LAD1: variants seen among roughly 807,000 people sequenced by gnomAD.
LAD1 encodes ladinin-1.
LAD1 carries 53 observed loss-of-function variants against 54.2 expected under a neutral mutation model. The observed-to-expected ratio is 0.98, with a 90% CI of 0.78 to 1.23. LAD1 has a LOEUF of 1.23. Among genes scored for constraint, LAD1 ranks in the 50% most tolerant of loss-of-function variants. The pLI is 0.00. For missense variants in LAD1, 637 were observed against 653.3 expected (o/e 0.98, Z 0.27); for synonymous variants, 231 against 257.7 (o/e 0.90, Z 0.99).
At position 201,386,687 on chromosome 1, in the gene LAD1, T is replaced by A. The variant is rs565667950; in HGVS notation, c.674A>T (p.Asn225Ile). The A allele has an allele frequency of 1.8e-5, 29 of 1,614,196 alleles. No individual in the cohort carries two copies. In the African/African-American group the frequency reaches 2.9e-4, roughly 16 times the overall value. Residue 225 changes from asparagine to isoleucine, a missense_variant, in exon 3 of 10, where the codon AAC (asparagine) becomes ATC (isoleucine). Asn to Ile is a moderately radical substitution (Grantham distance 149). Coordinates refer to ENST00000391967, the MANE Select transcript of LAD1 (RefSeq NM_005558.4). Reference sequence around the variant, plus strand: ...TAGAACAGACTTCTTCTCTGAGCTGTTTCTTTTCTCTGACACTGCTATCTT... The same window carrying A: ...TAGAACAGACTTCTTCTCTGAGCTGATTCTTTTCTCTGACACTGCTATCTT... ...SEKIAVSEKR[N>I]SSEKKSVLEK...
chr1:201,393,851 CT>C (rs35169716), intron 1 of LAD1, among the ~76,000 whole-genome samples: 123 of 112,242 alleles, frequency 1.1e-3, no homozygotes, highest in South Asian at 7.6e-3. Flanking sequence ...TTAAGTTTTG[CT>C]TTTTTTTTTT....
At position 201,389,063 on chromosome 1, in the gene LAD1, C is replaced by T. The variant is rs552831674; in HGVS notation, c.182+97G>A. On this transcript the variant is annotated intron_variant, in intron 2 of 9. Coordinates refer to ENST00000391967, the MANE Select transcript of LAD1 (RefSeq NM_005558.4). ...ATCATCACACCCTTCAGCCTCATTT[C>T]CTGGGCCCCAACTCCCTGAGCAGAC... 15 of 1,426,248 alleles carry T rather than the reference C, an allele frequency of 1.1e-5. No individual in the cohort carries two copies. The South Asian group carries it at 1.8e-4, about 18-fold the overall frequency. The allele number at this position is 1,426,248 out of a possible 1,614,324, so 88.3% of individuals were successfully genotyped here.
intron 1 of LAD1, among the ~76,000 whole-genome samples, chr1:201,398,801 T>C (rs965889429): frequency 5.9e-5 from 9 of 152,144 alleles, no homozygotes; most frequent in African/African-American, 1.9e-4. Context: ...TCCAGTCCTC[T>C]TCACTGACCC....
At chr1:201,389,550 T>A (rs909518177) in intron 1 of LAD1, among the ~76,000 whole-genome samples, 1 of 152,084 alleles carries the variant, frequency 6.6e-6, no homozygotes, top group African/African-American at 2.4e-5. Flanking sequence ...CGGTCGCTCA[T>A]GCCTATGATC....
At chr1:201,382,023 G>A in intron 9 of LAD1, 130 bp from the exon 10 acceptor site, 1 of 1,013,152 alleles carries the variant, frequency 9.9e-7, no homozygotes, top group Non-Finnish European at 1.5e-6. Flanking sequence ...CCTGTAATCT[G>A]CCAGCTGAAG....
In LAD1 at chr1:201,381,204, C is replaced by T. The variant is rs1443617242; in HGVS notation, c.*684G>A. On this transcript the variant is annotated 3_prime_UTR_variant, in exon 10 of 10. Transcript: ENST00000391967. ...GAGGAATTCGCTTCTAAGGTCTCAT[C>T]AGTCTCTTACACCTGAGAGTAAATG... 6.4e-6 allele frequency: 1 copy of T among 155,258 alleles called. No homozygotes were observed. The highest frequency in any genetic ancestry group is 2.4e-5 in the African/African-American group (1 of 41,422). The allele number at this position is 155,258 out of a possible 1,614,324, so 9.6% of individuals were successfully genotyped here.
intron 1 of LAD1, among the ~76,000 whole-genome samples, chr1:201,391,829 G>A (rs926559301): frequency 6.6e-6 from 1 of 152,224 alleles, no homozygotes; most frequent in African/African-American, 2.4e-5. Flanking sequence ...ACAGGAGGGG[G>A]TGTGAGCAGG....
At chr1:201,383,050 C>T (rs1175758665) in intron 7 of LAD1, 24 bp downstream of exon 7, 7 of 1,604,390 alleles carry the variant, frequency 4.4e-6, no homozygotes, top group Admixed American at 3.4e-5. Context: ...ACCCTAAGGA[C>T]CCTGTGGGGC....
intron 1 of LAD1, among the ~76,000 whole-genome samples, chr1:201,394,575 C>G (rs1012630212): frequency 1.3e-5 from 2 of 152,228 alleles, no homozygotes; most frequent in African/African-American, 4.8e-5. Flanking sequence ...GTAGATTGAA[C>G]ATTCATCATT....
chr1:201,391,308 A>C (rs1239276229), intron 1 of LAD1: 1 of 370,808 alleles, frequency 2.7e-6, no homozygotes. Context: ...CAGGCATTCT[A>C]CAGCCAGCCA....
At chr1:201,388,172 C>T (rs1405384152) in intron 2 of LAD1, among the ~76,000 whole-genome samples, 2 of 152,188 alleles carry the variant, frequency 1.3e-5, no homozygotes, top group Non-Finnish European at 2.9e-5. Context: ...TGGTGGATCA[C>T]CTGAGGTCAG....
At position 201,381,671 on chromosome 1, in the gene LAD1, C is replaced by A. The variant is rs1269945455; in HGVS notation, c.*217G>T. 2 of 636,742 alleles carry A rather than the reference C, an allele frequency of 3.1e-6. No individual in the cohort carries two copies. The highest frequency in any genetic ancestry group is 5.6e-5 in the East Asian group (2 of 35,894). 39.4% of individuals were successfully genotyped at this position (636,742 alleles called of 1,614,324 possible). Reference sequence around the variant, plus strand: ...GTCCCAGCATCTGTTGTGCCTGCCGCAGGGTGAGAAAGTCCCAGCCCCAAG... The same window carrying A: ...GTCCCAGCATCTGTTGTGCCTGCCGAAGGGTGAGAAAGTCCCAGCCCCAAG... On this transcript the variant is annotated 3_prime_UTR_variant, in exon 10 of 10. Coordinates refer to ENST00000391967, the MANE Select transcript of LAD1 (RefSeq NM_005558.4).
intron 7 of LAD1, 52 bp downstream of exon 7, chr1:201,383,022 G>A: frequency 6.4e-7 from 1 of 1,555,742 alleles, no homozygotes; most frequent in Non-Finnish European, 8.7e-7. Context: ...TTGGGTTTTG[G>A]AGACGTCAGG....
chr1:201,385,702 C>T lies in LAD1; in HGVS notation c.1130G>A (p.Arg377Gln), dbSNP rs143292835. Residue 377 changes from arginine (R) to glutamine (Q), a missense_variant and splice_region_variant, in exon 4 of 10, where the codon CGG becomes CAG. Physicochemically the swap from Arg to Gln is conservative, Grantham distance 43. Coordinates refer to ENST00000391967, the MANE Select transcript of LAD1 (RefSeq NM_005558.4). Reference protein sequence around the residue: ...KRSSPRTISFRMKPKKENSET... With the variant: ...KRSSPRTISFQMKPKKENSET... ...GACCAGGGTGCCCAGGGCTCTCACC[C>T]GAAAGGAGATGGTCCTGGGGCTGGA... The T allele has an allele frequency of 6.4e-5, 103 of 1,612,710 alleles. No homozygotes were observed. Among genetic ancestry groups the T allele is most frequent in the Middle Eastern group, 1.6e-4 (1 of 6,074 alleles).
chr1:201,389,890 G>A (rs1293101498), intron 1 of LAD1, among the ~76,000 whole-genome samples: 1 of 152,094 alleles, frequency 6.6e-6, no homozygotes, highest in Non-Finnish European at 1.5e-5. Context: ...ATATATTGGG[G>A]TAAATGAGCT....
rs1662104153 is a variant in LAD1 at position 201,386,982 on chromosome 1, C to T, written c.379G>A (p.Ala127Thr). ...EGRNSLSPVQ[A>T]TQKPLVSKKE... ...TTGGAGACTAGGGGTTTCTGTGTGG[C>T]CTGCACAGGGCTCAAGCTGTTCCTC... The change falls in exon 3 of 10, where the codon GCC becomes ACC. Residue 127 changes from alanine to threonine, a missense_variant. By Grantham distance (58) the Ala-to-Thr change is moderately conservative (BLOSUM62 0). Transcript: ENST00000391967. 1.2e-6 allele frequency: 2 copies of T among 1,608,946 alleles called. No homozygotes were observed. The highest frequency in any genetic ancestry group is 1.7e-6 in the Non-Finnish European group (2 of 1,178,096).
chr1:201,385,012 G>T (rs1662045772), intron 4 of LAD1, among the ~76,000 whole-genome samples, 177 bp from the exon 5 acceptor site: 1 of 152,194 alleles, frequency 6.6e-6, no homozygotes, highest in African/African-American at 2.4e-5. Flanking sequence ...AAAGATCCTT[G>T]TTTGTATCTG....
intron 3 of LAD1, 78 bp from the exon 4 acceptor site, chr1:201,385,883 C>T: frequency 2.0e-6 from 2 of 1,002,214 alleles, no homozygotes; most frequent in Non-Finnish European, 3.2e-6. Context: ...CCATGGCTCA[C>T]CCCAGGAGCT....
chr1:201,399,183 CGGGGAGGAGGCCGGTGCCCCGA>C, intron 1 of LAD1, 64 bp downstream of exon 1: 1 of 1,117,488 alleles, frequency 8.9e-7, no homozygotes, highest in Admixed American at 2.0e-5. Context: ...GGGTCCCAGG[CGGGGAGGAGGCCGGTGCCCCGA>C]GGAGAGGAGA....
Sources: gnomAD v4.1 joint callset for allele counts (sites outside exome capture counted in the v4.1 genomes callset) on GRCh38, gnomAD v4.1.1 for gene constraint, MANE v1.5 for transcripts, NCBI Gene and HGNC (gene_info 2026-07-23, HGNC 2026-07-21) for gene names.